The following TMEM150A variants were observed in gnomAD, a reference collection of about 807,000 sequenced individuals.
TMEM150A encodes the protein fasting-inducible integral membrane protein TM6P1.
Under a neutral mutation model 29.8 loss-of-function variants are expected in TMEM150A, and 18 were observed. That is an observed-to-expected ratio of 0.60 (90% CI 0.42 to 0.90). TMEM150A has a LOEUF of 0.90. Among genes scored for constraint, TMEM150A ranks in the 40% least tolerant of loss-of-function variants. The pLI is 0.00. For missense variants in TMEM150A, 251 were observed against 349.7 expected, an observed-to-expected ratio of 0.72 and a Z score of 2.25; for synonymous variants, 127 against 143.6, an observed-to-expected ratio of 0.88 and a Z score of 0.83.
At chr2:85,600,514 T>TAAGG in intron 4 of TMEM150A, 102 bp from the exon 5 acceptor site, 5 of 801,964 alleles carry the variant, frequency 6.2e-6, no homozygotes, top group Non-Finnish European at 1.1e-5. Flanking sequence ...ACCTGCTCCT[T>TAAGG]AGCAGGCAGG....
In TMEM150A at chr2:85,599,571, ATAGG is replaced by A; in HGVS notation, c.524_527del (p.Ala175ValfsTer95). On this transcript the variant is annotated frameshift_variant, in exon 7 of 8. Coordinates refer to ENST00000334462, the MANE Select transcript of TMEM150A (RefSeq NM_001031738.3). LOFTEE classifies it high-confidence loss of function. The surrounding 1 kb of genome is among the most constrained non-coding windows in gnomAD (Gnocchi z 6.0). ...CGATGACAGCCAGCACACTTCGCAG[ATAGG>A]CCACAGCCAGGTCCAGCGGGGCGGT... The A allele has an allele frequency of 6.2e-7, 1 of 1,614,040 alleles. No individual in the cohort carries two copies. Among genetic ancestry groups the A allele is most frequent in the Non-Finnish European group, 8.5e-7 (1 of 1,179,992 alleles).
At chr2:85,600,323 C>T (rs770778593) in intron 5 of TMEM150A, 22 bp downstream of exon 5, 3 of 1,613,278 alleles carry the variant, frequency 1.9e-6, no homozygotes, top group East Asian at 2.2e-5. Context: ...CACGCAGGGT[C>T]AGGGCTAAGG....
Position 85,600,848 on chromosome 2 carries a change from T to C in TMEM150A, c.200+173A>G, listed in dbSNP as rs768231884. 7 of 601,932 alleles carry C rather than the reference T, an allele frequency of 1.2e-5. No homozygotes were observed. In the South Asian group the frequency reaches 1.5e-4, roughly 13 times the overall value. The allele number at this position is 601,932 out of a possible 1,614,324, so 37.3% of individuals were successfully genotyped here. On this transcript the variant is annotated intron_variant, in intron 4 of 7. Coordinates refer to ENST00000334462, the MANE Select transcript of TMEM150A (RefSeq NM_001031738.3). ...CTCCTGGGAGGATGAAAAGAGACAA[T>C]GCATATAAAGCACTCAGCAGAGTGC...
In TMEM150A at chr2:85,602,221, G is replaced by T; in HGVS notation, c.-116-157C>A. 2 of 388,738 alleles carry T rather than the reference G, an allele frequency of 5.1e-6. No homozygotes were observed. Among genetic ancestry groups the T allele is most frequent in the South Asian group, 3.1e-5 (1 of 32,532 alleles). The allele number at this position is 388,738 out of a possible 1,614,324, so 24.1% of individuals were successfully genotyped here. A position where few individuals can be genotyped will look rare whatever the true frequency, so the allele number is the denominator to read the frequency against. On this transcript the variant is annotated intron_variant, in intron 1 of 7. Coordinates refer to ENST00000334462, the MANE Select transcript of TMEM150A (RefSeq NM_001031738.3). The surrounding 1 kb of genome is among the most constrained non-coding windows in gnomAD (Gnocchi z 5.6). Reference sequence around the variant, plus strand: ...ACGTGAACACCCTCTGGCACTGGGGGCCTCCGCGGTCAACCCAAATGCCAC... The same window carrying T: ...ACGTGAACACCCTCTGGCACTGGGGTCCTCCGCGGTCAACCCAAATGCCAC...
chr2:85,601,777 T>G lies in TMEM150A; in HGVS notation c.65+107A>C. ...GTGCCCAGGCACCAAGTCAGGCTTTTGAGACACCCAGAGTGACCCTGGGTA... is the reference window on the plus strand; with the variant it reads ...GTGCCCAGGCACCAAGTCAGGCTTTGGAGACACCCAGAGTGACCCTGGGTA... On this transcript the variant is annotated intron_variant, in intron 2 of 7. Transcript: ENST00000334462. The surrounding 1 kb of genome is among the most constrained non-coding windows in gnomAD (Gnocchi z 4.0). The G allele has an allele frequency of 1.5e-6, 2 of 1,340,158 alleles. No homozygotes were observed. The highest frequency in any genetic ancestry group is 2.1e-6 in the Non-Finnish European group (2 of 951,150). 83.0% of individuals were successfully genotyped at this position (1,340,158 alleles called of 1,614,324 possible). A position where few individuals can be genotyped will look rare whatever the true frequency, so the allele number is the denominator to read the frequency against.
rs765181839 is a variant in TMEM150A at position 85,600,339 on chromosome 2, A to C, written c.268+6T>G. 1 of 1,613,846 alleles carries C rather than the reference A, an allele frequency of 6.2e-7. No homozygotes were observed. Among genetic ancestry groups the C allele is most frequent in the Non-Finnish European group, 8.5e-7 (1 of 1,179,956 alleles). On this transcript the variant is annotated splice_donor_region_variant and intron_variant, in intron 5 of 7. Coordinates refer to ENST00000334462, the MANE Select transcript of TMEM150A (RefSeq NM_001031738.3). ...ACGCAGGGTCAGGGCTAAGGGTACA[A>C]CTCACCCATGAAAGCACCCATGTTG...
chr2:85,600,836 GAA>G lies in TMEM150A; in HGVS notation c.200+183_200+184del, dbSNP rs139361315. 2.9e-3 allele frequency: 1,697 copies of G among 593,806 alleles called. 7 individuals carry two copies. Among genetic ancestry groups the G allele is most frequent in the Non-Finnish European group, 3.8e-3 (1,297 of 336,990 alleles). 36.8% of individuals were successfully genotyped at this position (593,806 alleles called of 1,614,324 possible). A position where few individuals can be genotyped will look rare whatever the true frequency, so the allele number is the denominator to read the frequency against. On this transcript the variant is annotated intron_variant, in intron 4 of 7. Coordinates refer to ENST00000334462, the MANE Select transcript of TMEM150A (RefSeq NM_001031738.3). ...ATACCTGCCTCACTCCTGGGAGGAT[GAA>G]AAGAGACAATGCATATAAAGCACTC... is the stretch of plus-strand genomic sequence containing the variant.
intron 5 of TMEM150A, 114 bp from the exon 6 acceptor site, chr2:85,600,132 AAC>A (rs1416553864): frequency 7.6e-6 from 11 of 1,448,528 alleles, no homozygotes; most frequent in Non-Finnish European, 1.0e-5. Context: ...GGCAGAAAGG[AAC>A]AGACAGGCGG....
Position 85,600,329 on chromosome 2 carries a change from T to C in TMEM150A, c.268+16A>G. 1 of 1,613,738 alleles carries C rather than the reference T, an allele frequency of 6.2e-7. No homozygotes were observed. The highest frequency in any genetic ancestry group is 8.5e-7 in the Non-Finnish European group (1 of 1,179,866). Reference sequence around the variant, plus strand: ...TGGGCTGGGCACGCAGGGTCAGGGCTAAGGGTACAACTCACCCATGAAAGC... The same window carrying C: ...TGGGCTGGGCACGCAGGGTCAGGGCCAAGGGTACAACTCACCCATGAAAGC... On this transcript the variant is annotated intron_variant, in intron 5 of 7. Transcript: ENST00000334462.
At position 85,601,309 on chromosome 2, in the gene TMEM150A, G is replaced by A; in HGVS notation, c.113+126C>T. ...GGTAGGTGGCAAGAAGCCATGCCTG[G>A]GGACCAATTTCAGAGAAGAGCAGTG... is the stretch of plus-strand genomic sequence containing the variant. On this transcript the variant is annotated intron_variant, in intron 3 of 7. Coordinates refer to ENST00000334462, the MANE Select transcript of TMEM150A (RefSeq NM_001031738.3). The surrounding 1 kb of genome is among the most constrained non-coding windows in gnomAD (Gnocchi z 4.0). 2 of 1,340,144 alleles carry A rather than the reference G, an allele frequency of 1.5e-6. No individual in the cohort carries two copies. The highest frequency in any genetic ancestry group is 2.1e-6 in the Non-Finnish European group (2 of 931,310). 83.0% of individuals were successfully genotyped at this position (1,340,144 alleles called of 1,614,324 possible).
Position 85,598,865 on chromosome 2 carries a change from TGGG to T in TMEM150A, c.*208_*210del. 1 of 681,714 alleles carries T rather than the reference TGGG, an allele frequency of 1.5e-6. No homozygotes were observed. The highest frequency in any genetic ancestry group is 2.4e-6 in the Non-Finnish European group (1 of 420,446). The allele number at this position is 681,714 out of a possible 1,614,324, so 42.2% of individuals were successfully genotyped here. A position where few individuals can be genotyped will look rare whatever the true frequency, so the allele number is the denominator to read the frequency against. The stretch of plus-strand genomic sequence containing the variant: ...GACCTTTAAAAACAAAACGACACCG[TGGG>T]GTGGGGAAGCAGGTCATGCAGCTGT... On this transcript the variant is annotated 3_prime_UTR_variant, in exon 8 of 8. Transcript: ENST00000334462.
chr2:85,600,802 G>T, intron 4 of TMEM150A: 1 of 564,294 alleles, frequency 1.8e-6, no homozygotes, highest in Non-Finnish European at 3.1e-6. Context: ...CTATAAAATG[G>T]TGAAAACAAT....
Position 85,599,247 on chromosome 2 carries a change from GA to G in TMEM150A, c.644del (p.Val215AlafsTer56). On this transcript the variant is annotated frameshift_variant, in exon 8 of 8. Transcript: ENST00000334462. LOFTEE classifies it high-confidence loss of function. The surrounding 1 kb of genome is among the most constrained non-coding windows in gnomAD (Gnocchi z 6.0). ...TGCCATAGAAAATGAGGATATCGAT[GA>G]CACACACCCACTCACACAGGGCTGC... ...HGAALCEWVCVIDILIFYGTF... is the reference protein window; with the variant it reads ...HGAALCEWVCXIDILIFYGTF... The G allele has an allele frequency of 6.2e-7, 1 of 1,613,992 alleles. No homozygotes were observed. Among genetic ancestry groups the G allele is most frequent in the Non-Finnish European group, 8.5e-7 (1 of 1,180,014 alleles).
chr2:85,599,963 A>G lies in TMEM150A; in HGVS notation c.324T>C (p.Ser108=). Residue 108 remains serine (S), a synonymous_variant, in exon 6 of 8, where the codon TCT becomes TCC. Coordinates refer to ENST00000334462, the MANE Select transcript of TMEM150A (RefSeq NM_001031738.3). The surrounding 1 kb of genome is among the most constrained non-coding windows in gnomAD (Gnocchi z 6.0). ...TGATGAGTGCCGTGGTGTTAACCCA[A>G]GAGTGCCGACTCTGCTCCAGGAGCT... is the stretch of plus-strand genomic sequence containing the variant. ...YGQLLEQSRH[S]WVNTTALITG... 2 of 1,613,296 alleles carry G rather than the reference A, an allele frequency of 1.2e-6. No homozygotes were observed. Among genetic ancestry groups the G allele is most frequent in the African/African-American group, 1.3e-5 (1 of 74,930 alleles).
chr2:85,601,347 G>T lies in TMEM150A; in HGVS notation c.113+88C>A. 6.6e-7 allele frequency: 1 copy of T among 1,510,550 alleles called. No individual in the cohort carries two copies. The highest frequency in any genetic ancestry group is 9.2e-7 in the Non-Finnish European group (1 of 1,086,104). The allele number at this position is 1,510,550 out of a possible 1,614,324, so 93.6% of individuals were successfully genotyped here. A position where few individuals can be genotyped will look rare whatever the true frequency, so the allele number is the denominator to read the frequency against. On this transcript the variant is annotated intron_variant, in intron 3 of 7. Transcript: ENST00000334462. This position sits in a 1 kb window ranked among gnomAD's most constrained non-coding sequence, Gnocchi z 4.0. ...GAGAAGAGCAGTGAGGCTCAGGGTTGCAGTCTGGCTCGTGGCAGCCTCAGG... is the reference window on the plus strand; with the variant it reads ...GAGAAGAGCAGTGAGGCTCAGGGTTTCAGTCTGGCTCGTGGCAGCCTCAGG...
Position 85,601,333 on chromosome 2 carries a change from T to G in TMEM150A, c.113+102A>C. ...GGGGACCAATTTCAGAGAAGAGCAG[T>G]GAGGCTCAGGGTTGCAGTCTGGCTC... On this transcript the variant is annotated intron_variant, in intron 3 of 7. Coordinates refer to ENST00000334462, the MANE Select transcript of TMEM150A (RefSeq NM_001031738.3). This position sits in a 1 kb window ranked among gnomAD's most constrained non-coding sequence, Gnocchi z 4.0. 5 of 1,447,304 alleles carry G rather than the reference T, an allele frequency of 3.5e-6. No individual in the cohort carries two copies. The highest frequency in any genetic ancestry group is 4.9e-6 in the Non-Finnish European group (5 of 1,028,578). 89.7% of individuals were successfully genotyped at this position (1,447,304 alleles called of 1,614,324 possible). A position where few individuals can be genotyped will look rare whatever the true frequency, so the allele number is the denominator to read the frequency against.
In TMEM150A at chr2:85,599,431, A is replaced by G. The variant is rs759678759; in HGVS notation, c.574+94T>C. On this transcript the variant is annotated intron_variant, in intron 7 of 7. Coordinates refer to ENST00000334462, the MANE Select transcript of TMEM150A (RefSeq NM_001031738.3). The surrounding 1 kb of genome is among the most constrained non-coding windows in gnomAD (Gnocchi z 6.0). ...GAGAGGTGTTAGTCCTCTCCCCCAC[A>G]TGGCAGTGTTAGGCCTCCACCCCCC... The G allele has an allele frequency of 1.3e-6, 2 of 1,564,988 alleles. No individual in the cohort carries two copies. The highest frequency in any genetic ancestry group is 1.7e-6 in the Non-Finnish European group (2 of 1,154,632).
At position 85,599,688 on chromosome 2, in the gene TMEM150A, C is replaced by T. The variant is rs750431440; in HGVS notation, c.411G>A (p.Arg137=). The T allele has an allele frequency of 3.1e-6, 5 of 1,612,934 alleles. No homozygotes were observed. The Admixed American group carries it at 6.7e-5, about 22-fold the overall frequency. Residue 137 remains arginine, a synonymous_variant, in exon 7 of 8, where the codon AGG becomes AGA. Transcript: ENST00000334462. The surrounding 1 kb of genome is among the most constrained non-coding windows in gnomAD (Gnocchi z 6.0). ...CGCCAGCTCCAACGTAGTGCAGAGACCTGGCATGATCCACCTGGGCCCAGA... is the reference window on the plus strand; with the variant it reads ...CGCCAGCTCCAACGTAGTGCAGAGATCTGGCATGATCCACCTGGGCCCAGA... ...VVGNFQVDHA[R]SLHYVGAGVA...
chr2:85,599,129 T>C lies in TMEM150A; in HGVS notation c.763A>G (p.Ser255Gly). The C allele has an allele frequency of 6.2e-7, 1 of 1,613,766 alleles. No individual in the cohort carries two copies. ...PGRACKSSGSSSTSTHLNCAP... is the reference protein window; with the variant it reads ...PGRACKSSGSGSTSTHLNCAP... ...CAGTTGAGGTGGGTGGAGGTGCTGC[T>C]GCTCCCGGAGGACTTGCAGGCCCGG... The change falls in exon 8 of 8, where the codon AGC becomes GGC. Residue 255 changes from serine to glycine, a missense_variant. By Grantham distance (56) the Ser-to-Gly change is moderately conservative. Transcript: ENST00000334462. This position sits in a 1 kb window ranked among gnomAD's most constrained non-coding sequence, Gnocchi z 6.0.
Sources: allele counts gnomAD v4.1 joint callset, GRCh38; gene constraint gnomAD v4.1.1; non-coding constraint Gnocchi (gnomAD v3.1); transcripts MANE v1.5; gene names NCBI Gene and HGNC (gene_info 2026-07-23, HGNC 2026-07-21).